DIP2C: variants seen among roughly 807,000 people sequenced by gnomAD.
DIP2C encodes disco-interacting protein 2 homolog C.
In DIP2C, 33 loss-of-function variants were observed where a neutral mutation model predicts 192.4. The observed-to-expected ratio is 0.17, with a 90% confidence interval of 0.13 to 0.23. The LOEUF is 0.23. Among genes scored for constraint, DIP2C ranks in the 10% least tolerant of loss-of-function variants. DIP2C has a pLI of 1.00. For missense variants in DIP2C, 1,537 were observed against 2,110.1 expected, an observed-to-expected ratio of 0.73 and a Z score of 5.32; for synonymous variants, 979 against 864.1, an observed-to-expected ratio of 1.13 and a Z score of -2.33.
At chr10:289,218 G>T (rs1004533148) in intron 32 of DIP2C, among the ~76,000 whole-genome samples, 14 of 135,820 alleles carry the variant, frequency 1.0e-4, no homozygotes, top group African/African-American at 3.5e-4. Context: ...GACAGGGTGC[G>T]GGCAGGGGGC....
At chr10:384,671 C>T (rs763962132) in intron 14 of DIP2C, 32 bp from the exon 15 acceptor site, 2 of 1,605,874 alleles carry the variant, frequency 1.2e-6, no homozygotes, top group Non-Finnish European at 1.7e-6. Flanking sequence ...GCAGGGTGAG[C>T]ATGGAGGGGC....
chr10:320,186 C>T (rs183771941), intron 31 of DIP2C, among the ~76,000 whole-genome samples: 1 of 152,284 alleles, frequency 6.6e-6, no homozygotes, highest in Non-Finnish European at 1.5e-5. Context: ...AGACTAGACT[C>T]TAGTCAAGTA....
chr10:596,496 C>CAAAAAAAAAAAAAAAAAAAAAAAAA (rs56298679), intron 1 of DIP2C, among the ~76,000 whole-genome samples: 1 of 52,934 alleles, frequency 1.9e-5, no homozygotes, highest in African/African-American at 7.4e-5. Flanking sequence ...AACTCCATCT[C>CAAAAAAAAAAAAAAAAAAAAAAAAA]AAAAAAAAAA....
chr10:380,211 C>T (rs1016204327), intron 17 of DIP2C, among the ~76,000 whole-genome samples: 2 of 150,434 alleles, frequency 1.3e-5, no homozygotes, highest in Admixed American at 6.6e-5. Context: ...GAGGCTCTCC[C>T]TGGATGATGG....
At chr10:487,043 G>A (rs569949996) in intron 1 of DIP2C, among the ~76,000 whole-genome samples, 38 of 152,254 alleles carry the variant, frequency 2.5e-4, no homozygotes, top group Non-Finnish European at 5.0e-4. Context: ...AGCAAAAGGT[G>A]TGAAACCTGC....
At chr10:515,737 TAAA>T (rs1846309868) in intron 1 of DIP2C, among the ~76,000 whole-genome samples, 1 of 151,424 alleles carries the variant, frequency 6.6e-6, no homozygotes, top group African/African-American at 2.4e-5. Flanking sequence ...AAAATAAAAA[TAAA>T]AATAAGAAAG....
chr10:324,381 C>G (rs923517473), intron 31 of DIP2C, among the ~76,000 whole-genome samples: 33 of 152,234 alleles, frequency 2.2e-4, no homozygotes, highest in African/African-American at 8.0e-4. Context: ...TCACCTCTCA[C>G]AAAGCCAGAA....
chr10:357,676 A>C, intron 23 of DIP2C, 152 bp downstream of exon 23: 1 of 538,210 alleles, frequency 1.9e-6, no homozygotes, highest in East Asian at 3.0e-5. Context: ...AAAGTCGGGG[A>C]CTGTCGGGGA....
chr10:441,348 T>A (rs1967711780), intron 3 of DIP2C, among the ~76,000 whole-genome samples: 2 of 147,982 alleles, frequency 1.4e-5, no homozygotes, highest in South Asian at 4.2e-4. Flanking sequence ...GCTGAGAGGC[T>A]GTGCATGCCT....
chr10:396,832 GGGGGGAAACTGGCTGCAAATCCGGT>G (rs1489765541), intron 10 of DIP2C, among the ~76,000 whole-genome samples: 1 of 64,234 alleles, frequency 1.6e-5, no homozygotes, highest in African/African-American at 3.7e-5. Flanking sequence ...CCGGTGGGGG[GGGGGGAAACTGGCTGCAAATCCGGT>G]GGGGGGGAAA....
chr10:442,543 T>G (rs1410279429), intron 3 of DIP2C, among the ~76,000 whole-genome samples: 1 of 152,186 alleles, frequency 6.6e-6, no homozygotes, highest in Admixed American at 6.5e-5. Flanking sequence ...TTAAACTTTT[T>G]GGATATAATT....
At chr10:340,388 A>C (rs555000073) in intron 29 of DIP2C, among the ~76,000 whole-genome samples, 2 of 152,278 alleles carry the variant, frequency 1.3e-5, no homozygotes, top group African/African-American at 4.8e-5. Flanking sequence ...GGATAATACA[A>C]AACTGCTAAA....
chr10:537,891 G>A (rs1199601566), intron 1 of DIP2C, among the ~76,000 whole-genome samples: 1 of 151,814 alleles, frequency 6.6e-6, no homozygotes, highest in East Asian at 1.9e-4. Context: ...CCAAGTTCAG[G>A]CGATTCTCCT....
At chr10:366,569 A>C (rs974023433) in intron 18 of DIP2C, among the ~76,000 whole-genome samples, 158 bp from the exon 19 acceptor site, 2 of 152,216 alleles carry the variant, frequency 1.3e-5, no homozygotes, top group African/African-American at 4.8e-5. Flanking sequence ...CATTTTCCCT[A>C]AAGAGCCATG....
At chr10:621,819 A>G (rs1481566993) in intron 1 of DIP2C, among the ~76,000 whole-genome samples, 2 of 152,228 alleles carry the variant, frequency 1.3e-5, no homozygotes, top group Non-Finnish European at 2.9e-5. Context: ...TGCGGCTGAC[A>G]TCATCAAACA....
At chr10:506,352 G>A (rs750507923) in intron 1 of DIP2C, among the ~76,000 whole-genome samples, 2 of 152,286 alleles carry the variant, frequency 1.3e-5, no homozygotes, top group Middle Eastern at 3.4e-3. Context: ...CCATGTCAGG[G>A]GTTGGGACAG....
chr10:680,990 C>T (rs184118093), intron 1 of DIP2C, among the ~76,000 whole-genome samples: 1,549 of 139,922 alleles, frequency 0.011, 14 homozygotes, highest in Non-Finnish European at 0.014. Context: ...CCACCGCCTG[C>T]GGCCACGGAA....
intron 31 of DIP2C, among the ~76,000 whole-genome samples, chr10:316,176 A>G (rs948023542): frequency 1.3e-5 from 2 of 152,198 alleles, no homozygotes; most frequent in Admixed American, 1.3e-4. Context: ...TCTCATGAAC[A>G]TGAGTCCATT....
chr10:426,714 A>C (rs1356185111), intron 4 of DIP2C, among the ~76,000 whole-genome samples: 1 of 152,242 alleles, frequency 6.6e-6, no homozygotes, highest in African/African-American at 2.4e-5. Flanking sequence ...CGGTCAATTT[A>C]TTTTTGACAA....
Sources: gnomAD v4.1 joint callset for allele counts (sites outside exome capture counted in the v4.1 genomes callset) on GRCh38, gnomAD v4.1.1 for gene constraint, MANE v1.5 for transcripts, NCBI Gene and HGNC (gene_info 2026-07-23, HGNC 2026-07-21) for gene names.